PPM1E: variants seen among roughly 807,000 people sequenced by gnomAD.
PPM1E encodes the protein protein phosphatase 1E.
In PPM1E, 20 loss-of-function variants were observed where a neutral mutation model predicts 65.9. The observed-to-expected ratio is 0.30, with a 90% CI of 0.21 to 0.44. The LOEUF (loss-of-function observed/expected upper bound fraction) is 0.44. Ranked by LOEUF, PPM1E falls within the 20% of genes least tolerant of loss-of-function variation. The probability of loss-of-function intolerance (pLI) is 1.00; values close to 1 mark genes in which losing one functional copy is unlikely to be tolerated. For missense variants in PPM1E, 713 were observed against 953.1 expected, an observed-to-expected ratio of 0.75 and a Z score of 3.32; for synonymous variants, 352 against 374.9, an observed-to-expected ratio of 0.94 and a Z score of 0.70.
chr17:58,974,599 G>T (rs1296700713), intron 6 of PPM1E, among the ~76,000 whole-genome samples: 3 of 151,950 alleles, frequency 2.0e-5, no homozygotes, highest in Non-Finnish European at 2.9e-5. Context: ...TTTTAAAAAA[G>T]AATAAATCAA....
intron 1 of PPM1E, among the ~76,000 whole-genome samples, chr17:58,855,072 C>T (rs2050867764): frequency 1.3e-5 from 2 of 152,062 alleles, no homozygotes; most frequent in African/African-American, 2.4e-5. Context: ...ATATGGGTGC[C>T]CCGACACTTT....
intron 1 of PPM1E, among the ~76,000 whole-genome samples, chr17:58,887,298 G>A (rs1029872660): frequency 6.6e-5 from 10 of 151,458 alleles, no homozygotes; most frequent in Non-Finnish European, 1.3e-4. Flanking sequence ...CTGAGTAGCT[G>A]AGATTACAGG....
At chr17:58,891,116 A>G (rs1313954797) in intron 1 of PPM1E, among the ~76,000 whole-genome samples, 2 of 151,822 alleles carry the variant, frequency 1.3e-5, no homozygotes, top group African/African-American at 4.8e-5. Context: ...GATTACATGT[A>G]CCACCACGCC....
At chr17:58,897,585 T>C (rs916868043) in intron 1 of PPM1E, among the ~76,000 whole-genome samples, 4 of 152,340 alleles carry the variant, frequency 2.6e-5, no homozygotes, top group Non-Finnish European at 5.9e-5. Context: ...ATTTAAGTCA[T>C]GTTTTAAGAG....
At chr17:58,856,709 T>C (rs1182986055) in intron 1 of PPM1E, among the ~76,000 whole-genome samples, 1 of 152,154 alleles carries the variant, frequency 6.6e-6, no homozygotes, top group Non-Finnish European at 1.5e-5. Context: ...AAAAAGACCA[T>C]GTGAAGACAG....
At chr17:58,931,158 G>A (rs548345051) in intron 1 of PPM1E, among the ~76,000 whole-genome samples, 66 of 151,852 alleles carry the variant, frequency 4.3e-4, no homozygotes, top group African/African-American at 1.5e-3. Flanking sequence ...AGGCCAAGAC[G>A]GGCGGATCAC....
chr17:58,929,453 A>C (rs970043707), intron 1 of PPM1E, among the ~76,000 whole-genome samples: 5 of 152,226 alleles, frequency 3.3e-5, no homozygotes, highest in African/African-American at 1.2e-4. Context: ...AATTTTACTA[A>C]AGCCTGTACA....
Position 58,756,369 on chromosome 17 carries a change from GC to G in PPM1E, c.377del (p.Pro126ArgfsTer40). 1 of 1,375,262 alleles carries G rather than the reference GC, an allele frequency of 7.3e-7. No individual in the cohort carries two copies. Among genetic ancestry groups the G allele is most frequent in the Non-Finnish European group, 9.4e-7 (1 of 1,066,534 alleles). The allele number at this position is 1,375,262 out of a possible 1,614,324, so 85.2% of individuals were successfully genotyped here. The stretch of plus-strand genomic sequence containing the variant: ...CGCCGCCGCCCCAGCTGCCGCCTTT[GC>G]CCCCGCTCCCGCGACCGCTGTCAGA... ...PPPPPQLPPL[P>X]PLPRPLSERI... is the part of the protein sequence containing the mutation. On this transcript the variant is annotated frameshift_variant, in exon 1 of 7. Coordinates refer to ENST00000308249, the MANE Select transcript of PPM1E (RefSeq NM_014906.5). LOFTEE classifies it high-confidence loss of function.
rs999494503 is a variant in PPM1E at position 58,984,639 on chromosome 17, C to T, written c.*3608C>T. On this transcript the variant is annotated 3_prime_UTR_variant, in exon 7 of 7. Transcript: ENST00000308249. The stretch of plus-strand genomic sequence containing the variant: ...TGTTAAAGGACAAATGCCCACTCTT[C>T]TATTCTGATCTGCAAATAGCTTAAA... The T allele has an allele frequency of 6.6e-6, 1 of 152,596 alleles. No homozygotes were observed. Among genetic ancestry groups the T allele is most frequent in the African/African-American group, 2.4e-5 (1 of 41,454 alleles). 9.5% of individuals were successfully genotyped at this position (152,596 alleles called of 1,614,324 possible).
At chr17:58,945,087 T>A (rs1400461191) in intron 1 of PPM1E, among the ~76,000 whole-genome samples, 2 of 152,074 alleles carry the variant, frequency 1.3e-5, no homozygotes, top group Non-Finnish European at 2.9e-5. Context: ...ATTTCCCTAA[T>A]GACTAATGAT....
At chr17:58,955,010 A>T (rs1230232223) in intron 1 of PPM1E, among the ~76,000 whole-genome samples, 1 of 151,744 alleles carries the variant, frequency 6.6e-6, no homozygotes, top group Non-Finnish European at 1.5e-5. Flanking sequence ...TGACCATTCT[A>T]TCTAAGTTCA....
At position 58,985,028 on chromosome 17, in the gene PPM1E, T is replaced by A. The variant is rs1422974700; in HGVS notation, c.*3997T>A. On this transcript the variant is annotated 3_prime_UTR_variant, in exon 7 of 7. Coordinates refer to ENST00000308249, the MANE Select transcript of PPM1E (RefSeq NM_014906.5). ...GTGAATAATTTCTTACCAAATAAAT[T>A]TATCAATTTACAAATCTGCTCTACA... The A allele has an allele frequency of 1.3e-5, 2 of 152,644 alleles. No individual in the cohort carries two copies. Among genetic ancestry groups the A allele is most frequent in the African/African-American group, 4.8e-5 (2 of 41,448 alleles). 9.5% of individuals were successfully genotyped at this position (152,644 alleles called of 1,614,324 possible). A position where few individuals can be genotyped will look rare whatever the true frequency, so the allele number is the denominator to read the frequency against.
At chr17:58,923,123 A>G (rs2143540949) in intron 1 of PPM1E, among the ~76,000 whole-genome samples, 2 of 149,470 alleles carry the variant, frequency 1.3e-5, no homozygotes, top group East Asian at 4.1e-4. Flanking sequence ...CATCTCTACT[A>G]AAAATACAAA....
intron 1 of PPM1E, among the ~76,000 whole-genome samples, chr17:58,896,945 A>G (rs1226629666): frequency 6.6e-6 from 1 of 152,170 alleles, no homozygotes; most frequent in Non-Finnish European, 1.5e-5. Context: ...GTCCATCCTC[A>G]TTTAACACTC....
At chr17:58,846,325 TTTGTTACATATGTATA>T (rs1166964819) in intron 1 of PPM1E, among the ~76,000 whole-genome samples, 1 of 152,136 alleles carries the variant, frequency 6.6e-6, no homozygotes, top group Non-Finnish European at 1.5e-5. Context: ...AACATGCAGG[TTTGTTACATATGTATA>T]TGTGTGCCAT....
chr17:58,877,321 A>G (rs1195051929), intron 1 of PPM1E, among the ~76,000 whole-genome samples: 2 of 152,154 alleles, frequency 1.3e-5, no homozygotes, highest in African/African-American at 4.8e-5. Context: ...GGAAAATAAG[A>G]TATTGCTTTT....
At chr17:58,785,091 T>C (rs1344869144) in intron 1 of PPM1E, among the ~76,000 whole-genome samples, 3 of 151,882 alleles carry the variant, frequency 2.0e-5, no homozygotes, top group Admixed American at 6.6e-5. Context: ...CTCTTAAGAG[T>C]TGTATAGTTT....
chr17:58,968,692 C>G (rs2143697099), intron 3 of PPM1E, among the ~76,000 whole-genome samples: 1 of 152,310 alleles, frequency 6.6e-6, no homozygotes, highest in Admixed American at 6.5e-5. Flanking sequence ...CGTCACAGAT[C>G]TCCTAAGTGA....
intron 1 of PPM1E, among the ~76,000 whole-genome samples, chr17:58,876,600 A>C (rs147113065): frequency 2.0e-5 from 3 of 152,324 alleles, no homozygotes; most frequent in African/African-American, 7.2e-5. Context: ...AATGTAAGGA[A>C]TTAAAACTTG....
Sources: gnomAD v4.1 joint callset for allele counts (sites outside exome capture counted in the v4.1 genomes callset) on GRCh38, gnomAD v4.1.1 for gene constraint, MANE v1.5 for transcripts, NCBI Gene and HGNC (gene_info 2026-07-23, HGNC 2026-07-21) for gene names.